Variants in CA8 observed in about 807,000 individuals in gnomAD.
CA8 encodes the protein carbonic anhydrase 8 (inactive).
CA8 carries 22 observed loss-of-function variants against 41.4 expected under a neutral mutation model. The observed-to-expected ratio is 0.53, with a 90% CI of 0.38 to 0.76. The LOEUF (loss-of-function observed/expected upper bound fraction) is 0.76. CA8 is among the 30% of genes least tolerant of loss of function. The pLI is 0.00. For synonymous variants in CA8, 121 were observed against 130.6 expected (o/e 0.93, Z 0.50); for missense variants, 270 against 352.8 (o/e 0.77, Z 1.88).
At position 60,189,752 on chromosome 8, in the gene CA8, T is replaced by C. The variant is rs1032442599; in HGVS notation, c.*269A>G. 2.6e-5 allele frequency: 4 copies of C among 152,546 alleles called. No individual in the cohort carries two copies. The highest frequency in any genetic ancestry group is 5.9e-5 in the Non-Finnish European group (4 of 68,000). The allele number at this position is 152,546 out of a possible 1,614,324, so 9.4% of individuals were successfully genotyped here. On this transcript the variant is annotated 3_prime_UTR_variant, in exon 9 of 9. Transcript: ENST00000317995. ...TTCTACACATAAGCAATAAACAGTATGTGCAACTATGAATCCTAGCAGCAG... is the reference window on the plus strand; with the variant it reads ...TTCTACACATAAGCAATAAACAGTACGTGCAACTATGAATCCTAGCAGCAG...
chr8:60,276,788 A>G (rs1804250865), intron 2 of CA8, among the ~76,000 whole-genome samples: 1 of 152,192 alleles, frequency 6.6e-6, no homozygotes, highest in Admixed American at 6.5e-5. Context: ...ATACAGCGAT[A>G]ATACGAGAGT....
chr8:60,252,904 T>G (rs1313923882), intron 3 of CA8, among the ~76,000 whole-genome samples: 1 of 152,128 alleles, frequency 6.6e-6, no homozygotes, highest in African/African-American at 2.4e-5. Flanking sequence ...CAACCTATAT[T>G]GTTCTTTAAC....
rs566313488 is a variant in CA8, at chr8:60,232,219, A to G, written c.513+65T>C. The G allele has an allele frequency of 6.2e-6, 8 of 1,283,444 alleles. 1 individual carries two copies. In the South Asian group the frequency reaches 9.5e-5, roughly 15 times the overall value. The allele number at this position is 1,283,444 out of a possible 1,614,324, so 79.5% of individuals were successfully genotyped here. A position where few individuals can be genotyped will look rare whatever the true frequency, so the allele number is the denominator to read the frequency against. On this transcript the variant is annotated intron_variant, in intron 4 of 8. Transcript: ENST00000317995. The stretch of plus-strand genomic sequence containing the variant: ...AAGCAATAAAATTGAGAATAAAAAA[A>G]TTTTACAAAATGATTTAGAAATTAG...
At chr8:60,237,437 A>G (rs1280149456) in intron 3 of CA8, among the ~76,000 whole-genome samples, 1 of 152,226 alleles carries the variant, frequency 6.6e-6, no homozygotes, top group Non-Finnish European at 1.5e-5. Context: ...TGTAAATGCC[A>G]CTTACCATTT....
chr8:60,224,435 A>G (rs1807355936), intron 6 of CA8, 102 bp downstream of exon 6: 2 of 754,654 alleles, frequency 2.7e-6, no homozygotes, highest in East Asian at 5.1e-5. Flanking sequence ...ATTGCAAATA[A>G]GTTTTATTAA....
intron 7 of CA8, among the ~76,000 whole-genome samples, chr8:60,221,784 A>T (rs1807260300): frequency 6.6e-6 from 1 of 152,210 alleles, no homozygotes; most frequent in Non-Finnish European, 1.5e-5. Context: ...ATGTTGGAAG[A>T]AGGATTTTTT....
At chr8:60,273,051 C>G (rs2130619084) in intron 2 of CA8, among the ~76,000 whole-genome samples, 1 of 152,298 alleles carries the variant, frequency 6.6e-6, no homozygotes, top group Non-Finnish European at 1.5e-5. Context: ...TCTTGCTCTC[C>G]TGGTTGCTCT....
At chr8:60,227,058 G>A (rs546964314) in intron 4 of CA8, 123 bp from the exon 5 acceptor site, 46 of 729,308 alleles carry the variant, frequency 6.3e-5, no homozygotes, top group East Asian at 2.1e-4. Context: ...TTGGGAGGCC[G>A]AGTTGGGTGG....
At position 60,201,235 on chromosome 8, in the gene CA8, T is replaced by C. The variant is rs1806419092; in HGVS notation, c.*35+7515A>G. Among the ~76,000 whole-genome samples, 4 of 152,184 alleles carry C rather than the reference T, an allele frequency of 2.6e-5. No individual in the cohort carries two copies. In the South Asian group the frequency reaches 8.3e-4, roughly 31 times the overall value. On this transcript the variant is annotated intron_variant, in intron 8 of 8. Coordinates refer to ENST00000317995, the MANE Select transcript of CA8 (RefSeq NM_004056.6). ...GTCTTTGACACATCTAAAAGAAAAG[T>C]TCTACAGACAGCTGGGCATTCAATT...
At chr8:60,277,080 T>C (rs1267645755) in intron 2 of CA8, among the ~76,000 whole-genome samples, 7 of 150,160 alleles carry the variant, frequency 4.7e-5, no homozygotes, top group African/African-American at 1.7e-4. Context: ...AGACGCACCA[T>C]TGCACTCCAG....
chr8:60,209,586 G>A (rs1341230785), intron 7 of CA8, among the ~76,000 whole-genome samples: 1 of 152,162 alleles, frequency 6.6e-6, no homozygotes, highest in Non-Finnish European at 1.5e-5. Flanking sequence ...TGCTTTCCAA[G>A]TACATTTTAA....
intron 8 of CA8, chr8:60,208,183 T>A (rs896110059): frequency 6.5e-6 from 1 of 153,726 alleles, no homozygotes; most frequent in Admixed American, 6.4e-5. Context: ...ACATAGATTA[T>A]GTTTCAATCA....
chr8:60,250,022 A>T (rs1316697289), intron 3 of CA8, among the ~76,000 whole-genome samples: 1 of 152,206 alleles, frequency 6.6e-6, no homozygotes, highest in African/African-American at 2.4e-5. Flanking sequence ...CCTTTGGTGA[A>T]GTACTGCATG....
intron 3 of CA8, 32 bp from the exon 4 acceptor site, chr8:60,232,411 T>C: frequency 7.4e-7 from 1 of 1,360,138 alleles, no homozygotes; most frequent in East Asian, 2.3e-5. Flanking sequence ...GACCACATCA[T>C]TTAATGTGCT....
At chr8:60,249,670 T>C (rs1585904274) in intron 3 of CA8, among the ~76,000 whole-genome samples, 1 of 152,270 alleles carries the variant, frequency 6.6e-6, no homozygotes, top group African/African-American at 2.4e-5. Context: ...ACAAAAAAAC[T>C]AAAAGGTATT....
chr8:60,239,422 C>T (rs1336589435), intron 3 of CA8, among the ~76,000 whole-genome samples: 2 of 152,068 alleles, frequency 1.3e-5, no homozygotes, highest in Non-Finnish European at 2.9e-5. Flanking sequence ...CTTCCCTGGG[C>T]CACACTGGAA....
At chr8:60,212,544 G>T (rs1326591156) in intron 7 of CA8, among the ~76,000 whole-genome samples, 1 of 152,170 alleles carries the variant, frequency 6.6e-6, no homozygotes, top group Non-Finnish European at 1.5e-5. Context: ...ACAAGACATG[G>T]AAACACAAGT....
chr8:60,223,548 G>C (rs1464610753), intron 6 of CA8, among the ~76,000 whole-genome samples: 2 of 152,194 alleles, frequency 1.3e-5, no homozygotes, highest in Non-Finnish European at 2.9e-5. Flanking sequence ...GTCTCCCAAA[G>C]TGTTGGGATT....
intron 7 of CA8, among the ~76,000 whole-genome samples, chr8:60,218,745 G>C (rs970456512): frequency 1.3e-5 from 2 of 152,120 alleles, no homozygotes; most frequent in Non-Finnish European, 2.9e-5. Context: ...ATGTATCCTC[G>C]AGACAAATTG....
Sources: allele counts gnomAD v4.1 joint callset (sites outside exome capture counted in the v4.1 genomes callset), GRCh38; gene constraint gnomAD v4.1.1; transcripts MANE v1.5; gene names NCBI Gene and HGNC (gene_info 2026-07-23, HGNC 2026-07-21).